The following FGD6 variants were observed in gnomAD, a reference collection of about 807,000 sequenced individuals.
FGD6 encodes FYVE, RhoGEF and PH domain-containing protein 6.
Under a neutral mutation model 149.4 loss-of-function variants are expected in FGD6, and 90 were observed. The ratio of observed to expected loss-of-function variants is 0.60; its 90% CI spans 0.51 to 0.72. The LOEUF (loss-of-function observed/expected upper bound fraction) is 0.72, where lower values mean the gene tolerates loss of function less well. Among genes scored for constraint, FGD6 ranks in the 30% least tolerant of loss-of-function variants. FGD6 has a pLI of 0.00. For synonymous variants in FGD6, 527 were observed against 584.0 expected, an observed-to-expected ratio of 0.90 and a Z score of 1.41; for missense variants, 1,437 against 1,684.8, an observed-to-expected ratio of 0.85 and a Z score of 2.57.
chr12:95,184,333 G>A (rs529384697), intron 2 of FGD6, among the ~76,000 whole-genome samples: 2 of 152,336 alleles, frequency 1.3e-5, no homozygotes, highest in African/African-American at 2.4e-5. Context: ...CACAGAGGGG[G>A]AGGTTAGTCA....
chr12:95,172,526 G>T, intron 3 of FGD6, 74 bp downstream of exon 3: 1 of 1,292,212 alleles, frequency 7.7e-7, no homozygotes, highest in Non-Finnish European at 1.0e-6. Context: ...AAGGGTTTCT[G>T]TGCCTATTAT....
Position 95,161,967 on chromosome 12 carries a change from A to G in FGD6, c.2587-8974T>C, listed in dbSNP as rs554125869. On this transcript the variant is annotated intron_variant, in intron 3 of 20. Coordinates refer to ENST00000343958, the MANE Select transcript of FGD6 (RefSeq NM_018351.4). ...AGGTCTAAAATGGAGCATTAAAAGT[A>G]GGTGTTAGAAGAAGGAATTACACAG... 7.2e-5 allele frequency among the ~76,000 whole-genome samples: 11 copies of G among 152,118 alleles called. No individual in the cohort carries two copies. The South Asian group carries it at 2.1e-3, about 29-fold the overall frequency.
At chr12:95,127,087 A>G (rs1879366943) in intron 8 of FGD6, among the ~76,000 whole-genome samples, 1 of 151,870 alleles carries the variant, frequency 6.6e-6, no homozygotes. Flanking sequence ...CTAGATAACT[A>G]GATTCCTTGT....
At chr12:95,089,057 T>C (rs1592824977) in intron 18 of FGD6, among the ~76,000 whole-genome samples, 1 of 152,212 alleles carries the variant, frequency 6.6e-6, no homozygotes, top group East Asian at 1.9e-4. Flanking sequence ...TGGGATAGGA[T>C]ATCAACAAAG....
chr12:95,129,964 A>C (rs1050631109), intron 8 of FGD6, among the ~76,000 whole-genome samples: 3 of 152,158 alleles, frequency 2.0e-5, no homozygotes, highest in Non-Finnish European at 2.9e-5. Context: ...GTGAGCCATC[A>C]TGCCCAGCCA....
At chr12:95,144,227 C>A (rs1879941424) in intron 5 of FGD6, among the ~76,000 whole-genome samples, 1 of 152,208 alleles carries the variant, frequency 6.6e-6, no homozygotes, top group Admixed American at 6.5e-5. Flanking sequence ...CCCAGTACTA[C>A]TGGATGTTTT....
At chr12:95,096,023 A>G (rs1878221873) in intron 14 of FGD6, among the ~76,000 whole-genome samples, 1 of 152,022 alleles carries the variant, frequency 6.6e-6, no homozygotes, top group South Asian at 2.1e-4. Flanking sequence ...CCAAAAAAAA[A>G]AAAAGCAGAA....
rs745578243 is a variant in FGD6, at chr12:95,080,626, T to A, written c.*894A>T. The A allele has an allele frequency of 1.3e-5, 2 of 152,242 alleles. No homozygotes were observed. The highest frequency in any genetic ancestry group is 2.9e-5 in the Non-Finnish European group (2 of 68,036). 9.4% of individuals were successfully genotyped at this position (152,242 alleles called of 1,614,324 possible). ...GTAATGCACAATATTTTTGGAAATG[T>A]AACATTACTTATAGATACAAATATC... On this transcript the variant is annotated 3_prime_UTR_variant, in exon 21 of 21. Coordinates refer to ENST00000343958, the MANE Select transcript of FGD6 (RefSeq NM_018351.4).
rs1361997004 is a variant in FGD6, at chr12:95,210,353, T to C, written c.931A>G (p.Lys311Glu). ...TTTCTGGGCTTGGGAGTTGGAAATT[T>C]TGGGGTATATGGTACTAAATGAATT... Reference protein sequence around the residue: ...LEIHLVPYTPKFPTPKPRKTR... With the variant: ...LEIHLVPYTPEFPTPKPRKTR... Residue 311 changes from lysine (K) to glutamate (E), a missense_variant, in exon 2 of 21, where the codon AAA becomes GAA. Coordinates refer to ENST00000343958, the MANE Select transcript of FGD6 (RefSeq NM_018351.4). 2.5e-6 allele frequency: 4 copies of C among 1,613,720 alleles called. No homozygotes were observed. Among genetic ancestry groups the C allele is most frequent in the Admixed American group, 3.3e-5 (2 of 59,928 alleles).
chr12:95,082,042 C>T (rs1270457902), intron 20 of FGD6, among the ~76,000 whole-genome samples: 1 of 151,990 alleles, frequency 6.6e-6, no homozygotes, highest in African/African-American at 2.4e-5. Context: ...GTAATTTGGT[C>T]CAAAATTTAG....
At chr12:95,123,391 C>T (rs897534461) in intron 8 of FGD6, among the ~76,000 whole-genome samples, 1 of 152,002 alleles carries the variant, frequency 6.6e-6, no homozygotes, top group African/African-American at 2.4e-5. Context: ...GGTCCTGAGG[C>T]GGCATCCCCA....
At chr12:95,162,100 C>CAAAAAAAAAAAAAAAAAAAAAAA (rs762218917) in intron 3 of FGD6, among the ~76,000 whole-genome samples, 1 of 61,806 alleles carries the variant, frequency 1.6e-5, no homozygotes, top group Non-Finnish European at 3.2e-5. Context: ...CTGAAAAATA[C>CAAAAAAAAAAAAAAAAAAAAAAA]AAAAAAAAAA....
At chr12:95,178,618 CTCT>C (rs1275933257) in intron 2 of FGD6, among the ~76,000 whole-genome samples, 1 of 152,088 alleles carries the variant, frequency 6.6e-6, no homozygotes, top group African/African-American at 2.4e-5. Context: ...TTTTAATCTT[CTCT>C]TCGAGAGGTT....
chr12:95,158,836 A>ACCATGAGAC (rs1359494934), intron 3 of FGD6, among the ~76,000 whole-genome samples: 18 of 152,048 alleles, frequency 1.2e-4, no homozygotes, highest in Non-Finnish European at 1.9e-4. Context: ...AGTCTGGGCA[A>ACCATGAGAC]CATAATGAGA....
rs1879209522 is a variant in FGD6 at position 95,122,145 on chromosome 12, T to C, written c.3083-8444A>G. Among the ~76,000 whole-genome samples, 2 of 152,224 alleles carry C rather than the reference T, an allele frequency of 1.3e-5. 1 individual carries two copies. The highest frequency in any genetic ancestry group is 4.8e-5 in the African/African-American group (2 of 41,460). ...AATGTACATATCCTATTTATTTCTA[T>C]ACACAAAATCATTTTGACAAGTAAC... On this transcript the variant is annotated intron_variant, in intron 8 of 20. Coordinates refer to ENST00000343958, the MANE Select transcript of FGD6 (RefSeq NM_018351.4).
intron 7 of FGD6, among the ~76,000 whole-genome samples, chr12:95,135,432 C>G (rs1349757810): frequency 6.6e-6 from 1 of 152,208 alleles, no homozygotes; most frequent in Non-Finnish European, 1.5e-5. Flanking sequence ...CCCCAAATCA[C>G]AGCATTTATA....
In FGD6 at chr12:95,076,988, A is replaced by G. The variant is rs1004757695; in HGVS notation, c.*4532T>C. 6.6e-6 allele frequency: 1 copy of G among 152,250 alleles called. No homozygotes were observed. The highest frequency in any genetic ancestry group is 2.4e-5 in the African/African-American group (1 of 41,564). 9.4% of individuals were successfully genotyped at this position (152,250 alleles called of 1,614,324 possible). A position where few individuals can be genotyped will look rare whatever the true frequency, so the allele number is the denominator to read the frequency against. ...TTGCTCCCCCTTCATTCCTTCCCCC[A>G]ACTCCAAAGGGAAAGGAATTTGATA... On this transcript the variant is annotated 3_prime_UTR_variant, in exon 21 of 21. Coordinates refer to ENST00000343958, the MANE Select transcript of FGD6 (RefSeq NM_018351.4).
chr12:95,182,446 C>CT (rs1881312327), intron 2 of FGD6, among the ~76,000 whole-genome samples: 1 of 152,120 alleles, frequency 6.6e-6, no homozygotes, highest in Non-Finnish European at 1.5e-5. Flanking sequence ...GGTGATCCAC[C>CT]TGCCTTGGCC....
chr12:95,141,456 G>A lies in FGD6; in HGVS notation c.2769C>T (p.Tyr923=). ...TGAGCTCATACAGCTGAGGCAAGTA[G>A]TATAGGATCTGATTTAGAATCCGGT... ...IEDRILNQIL[Y]YLPQLYELNR... The change falls in exon 6 of 21, where the codon TAC becomes TAT. Residue 923 remains tyrosine, a synonymous_variant. Coordinates refer to ENST00000343958, the MANE Select transcript of FGD6 (RefSeq NM_018351.4). 6.2e-7 allele frequency: 1 copy of A among 1,614,150 alleles called. No homozygotes were observed. Among genetic ancestry groups the A allele is most frequent in the Non-Finnish European group, 8.5e-7 (1 of 1,180,018 alleles).
Sources: allele counts gnomAD v4.1 joint callset (sites outside exome capture counted in the v4.1 genomes callset), GRCh38; gene constraint gnomAD v4.1.1; transcripts MANE v1.5; gene names NCBI Gene and HGNC (gene_info 2026-07-23, HGNC 2026-07-21).